The following SLC44A1 variants were observed in gnomAD, a reference collection of about 807,000 sequenced individuals.
SLC44A1 encodes choline transporter-like protein 1.
Under a neutral mutation model 79.3 loss-of-function variants are expected in SLC44A1, and 26 were observed. The observed-to-expected ratio is 0.33, with a 90% CI of 0.24 to 0.46. SLC44A1 has a LOEUF of 0.46. Ranked by LOEUF, SLC44A1 falls within the 20% of genes least tolerant of loss-of-function variation. The pLI, the probability that SLC44A1 is intolerant of heterozygous loss-of-function variation, is 1.00. For missense variants in SLC44A1, 688 were observed against 798.1 expected, an observed-to-expected ratio of 0.86 and a Z score of 1.66; for synonymous variants, 263 against 286.2, an observed-to-expected ratio of 0.92 and a Z score of 0.82.
intron 15 of SLC44A1, among the ~76,000 whole-genome samples, chr9:105,411,491 T>C (rs1829094718): frequency 6.6e-6 from 1 of 151,390 alleles, no homozygotes; most frequent in South Asian, 2.1e-4. Context: ...TGCGTGTGCA[T>C]TTTACAGACC....
At chr9:105,249,825 A>C (rs1829541338) in intron 1 of SLC44A1, among the ~76,000 whole-genome samples, 1 of 149,460 alleles carries the variant, frequency 6.7e-6, no homozygotes. Flanking sequence ...ATGAGCCTCC[A>C]TGCCCGGCCA....
chr9:105,343,595 A>T (rs896468032), intron 4 of SLC44A1, among the ~76,000 whole-genome samples: 1 of 152,210 alleles, frequency 6.6e-6, no homozygotes, highest in Non-Finnish European at 1.5e-5. Context: ...GAATGAAATG[A>T]TCAACTCTAG....
chr9:105,342,500 GA>G (rs2131371457), intron 4 of SLC44A1, among the ~76,000 whole-genome samples: 1 of 152,250 alleles, frequency 6.6e-6, no homozygotes, highest in Non-Finnish European at 1.5e-5. Flanking sequence ...AGTGGGAGAG[GA>G]GAATCTCCCT....
At chr9:105,438,130 CTGTG>C (rs147203232) in intron 15 of SLC44A1, 274 of 492,080 alleles carry the variant, frequency 5.6e-4, no homozygotes, top group South Asian at 1.3e-3. Flanking sequence ...ATTTGTTAAT[CTGTG>C]TGTGTGTGTG....
chr9:105,345,811 TG>T (rs1289425023), intron 4 of SLC44A1, among the ~76,000 whole-genome samples: 4 of 152,150 alleles, frequency 2.6e-5, no homozygotes, highest in African/African-American at 9.7e-5. Flanking sequence ...TGGTAGTCTT[TG>T]AGTAACATCG....
At position 105,395,765 on chromosome 9, in the gene SLC44A1, A is replaced by T; in HGVS notation, c.*6709A>T. 1 of 953,894 alleles carries T rather than the reference A, an allele frequency of 1.0e-6. No homozygotes were observed. The highest frequency in any genetic ancestry group is 1.2e-6 in the Non-Finnish European group (1 of 801,560). The allele number at this position is 953,894 out of a possible 1,614,324, so 59.1% of individuals were successfully genotyped here. On this transcript the variant is annotated 3_prime_UTR_variant, in exon 16 of 16. Transcript: ENST00000374720. ...GGAGCATGTGTTAAATCATATGAGT[A>T]AAAAAAAAGTAGACATTGAAAAGAA...
intron 15 of SLC44A1, among the ~76,000 whole-genome samples, chr9:105,435,936 G>A (rs1040655307): frequency 6.6e-5 from 10 of 152,340 alleles, no homozygotes; most frequent in South Asian, 6.2e-4. Flanking sequence ...GGTGGCTCAC[G>A]CCTGTAATCT....
Position 105,395,960 on chromosome 9 carries a change from G to A in SLC44A1, c.*6904G>A, listed in dbSNP as rs1291435561. 16 of 983,238 alleles carry A rather than the reference G, an allele frequency of 1.6e-5. No homozygotes were observed. The highest frequency in any genetic ancestry group is 1.9e-5 in the Non-Finnish European group (16 of 829,138). 60.9% of individuals were successfully genotyped at this position (983,238 alleles called of 1,614,324 possible). ...ACAGGAATGTGACAATAATAGGATAGCTTTGGGGGCTGGTGATTTGAAACA... is the reference window on the plus strand; with the variant it reads ...ACAGGAATGTGACAATAATAGGATAACTTTGGGGGCTGGTGATTTGAAACA... On this transcript the variant is annotated 3_prime_UTR_variant, in exon 16 of 16. Coordinates refer to ENST00000374720, the MANE Select transcript of SLC44A1 (RefSeq NM_080546.5).
At chr9:105,428,064 C>G (rs1829345633) in intron 15 of SLC44A1, among the ~76,000 whole-genome samples, 1 of 151,982 alleles carries the variant, frequency 6.6e-6, no homozygotes, top group South Asian at 2.1e-4. Context: ...ATATTAGTAG[C>G]AAATCTTTTT....
chr9:105,397,873 G>A (rs1215730944), downstream of SLC44A1, among the ~76,000 whole-genome samples: 2 of 152,108 alleles, frequency 1.3e-5, no homozygotes, highest in Admixed American at 6.5e-5. Context: ...GCCTGAACCC[G>A]GGAGGCGGAG....
At chr9:105,418,578 T>A (rs1182139304) in intron 15 of SLC44A1, among the ~76,000 whole-genome samples, 1 of 152,138 alleles carries the variant, frequency 6.6e-6, no homozygotes, top group African/African-American at 2.4e-5. Context: ...TGACAGTCAT[T>A]AACTAGCCCC....
At chr9:105,270,733 C>G (rs1468797761) in intron 1 of SLC44A1, among the ~76,000 whole-genome samples, 3 of 152,140 alleles carry the variant, frequency 2.0e-5, no homozygotes, top group African/African-American at 7.2e-5. Flanking sequence ...AAATCATTAT[C>G]TATTTTTTGT....
chr9:105,314,309 A>C (rs951031712), intron 3 of SLC44A1, among the ~76,000 whole-genome samples: 3 of 152,176 alleles, frequency 2.0e-5, no homozygotes, highest in African/African-American at 7.2e-5. Flanking sequence ...AAGATATGGC[A>C]AAGTGGTGGT....
chr9:105,391,632 G>A lies in SLC44A1; in HGVS notation c.*2576G>A. 1.0e-6 allele frequency: 1 copy of A among 985,334 alleles called. No homozygotes were observed. Among genetic ancestry groups the A allele is most frequent in the Non-Finnish European group, 1.2e-6 (1 of 829,892 alleles). The allele number at this position is 985,334 out of a possible 1,614,324, so 61.0% of individuals were successfully genotyped here. A position where few individuals can be genotyped will look rare whatever the true frequency, so the allele number is the denominator to read the frequency against. On this transcript the variant is annotated 3_prime_UTR_variant, in exon 16 of 16. Coordinates refer to ENST00000374720, the MANE Select transcript of SLC44A1 (RefSeq NM_080546.5). ...AGAGGATTTTAAGCAATATTTAAATGTGTTGAGGTTATGTTTGGATATTCC... is the reference window on the plus strand; with the variant it reads ...AGAGGATTTTAAGCAATATTTAAATATGTTGAGGTTATGTTTGGATATTCC...
intron 3 of SLC44A1, among the ~76,000 whole-genome samples, chr9:105,321,391 G>A (rs1826389063): frequency 6.6e-6 from 1 of 152,196 alleles, no homozygotes; most frequent in South Asian, 2.1e-4. Context: ...TTGATGGCAT[G>A]AAAGGAGGCT....
At chr9:105,374,763 T>A (rs769371503) in intron 13 of SLC44A1, 28 bp downstream of exon 13, 1 of 1,553,032 alleles carries the variant, frequency 6.4e-7, no homozygotes, top group Admixed American at 1.9e-5. Flanking sequence ...TTCTGCAACA[T>A]ACAGTAAAAT....
At position 105,394,320 on chromosome 9, in the gene SLC44A1, G is replaced by A; in HGVS notation, c.*5264G>A. ...CTTTATGTAATTTAGTAGCAGGTTAGGGAATAGAAACCACACTAATCTGAA... is the reference window on the plus strand; with the variant it reads ...CTTTATGTAATTTAGTAGCAGGTTAAGGAATAGAAACCACACTAATCTGAA... On this transcript the variant is annotated 3_prime_UTR_variant, in exon 16 of 16. Coordinates refer to ENST00000374720, the MANE Select transcript of SLC44A1 (RefSeq NM_080546.5). 2.0e-6 allele frequency: 2 copies of A among 985,306 alleles called. No individual in the cohort carries two copies. 61.0% of individuals were successfully genotyped at this position (985,306 alleles called of 1,614,324 possible).
chr9:105,350,925 A>G (rs949559498), intron 5 of SLC44A1, among the ~76,000 whole-genome samples: 2 of 152,238 alleles, frequency 1.3e-5, no homozygotes, highest in African/African-American at 2.4e-5. Flanking sequence ...TTTTCAATGA[A>G]GCATTAGTGA....
At chr9:105,371,697 C>G (rs1039035066) in intron 12 of SLC44A1, among the ~76,000 whole-genome samples, 1 of 114,438 alleles carries the variant, frequency 8.7e-6, no homozygotes, top group South Asian at 2.6e-4. Flanking sequence ...TCAGCCTGGG[C>G]GACAGAGTGA....
Sources: gnomAD v4.1 joint callset for allele counts (sites outside exome capture counted in the v4.1 genomes callset) on GRCh38, gnomAD v4.1.1 for gene constraint, MANE v1.5 for transcripts, NCBI Gene and HGNC (gene_info 2026-07-23, HGNC 2026-07-21) for gene names.